The following E2F5 variants were observed in gnomAD, a reference collection of about 807,000 sequenced individuals.
E2F5 encodes transcription factor E2F5.
A neutral mutation model predicts 39.1 loss-of-function variants in E2F5; 23 were observed. The ratio of observed to expected loss-of-function variants is 0.59; its 90% CI spans 0.42 to 0.83. E2F5 has a LOEUF of 0.83. Ranked by LOEUF, E2F5 falls within the 40% of genes least tolerant of loss-of-function variation. The pLI, the probability that E2F5 is intolerant of heterozygous loss-of-function variation, is 0.00. For missense variants in E2F5, 365 were observed against 406.7 expected (o/e 0.90, Z 0.88); for synonymous variants, 145 against 157.8 (o/e 0.92, Z 0.61).
chr8:85,179,328 A>G (rs1812150412), intron 1 of E2F5, among the ~76,000 whole-genome samples: 1 of 152,160 alleles, frequency 6.6e-6, no homozygotes, highest in African/African-American at 2.4e-5. Flanking sequence ...TTGCCTCAGG[A>G]TATGGTGGAA....
intron 1 of E2F5, among the ~76,000 whole-genome samples, chr8:85,201,083 T>A (rs77672275): frequency 0.024 from 3,720 of 152,282 alleles, 154 homozygotes; most frequent in African/African-American, 0.085. Flanking sequence ...CCCAAATGCC[T>A]GTACAGTGAA....
intron 1 of E2F5, among the ~76,000 whole-genome samples, chr8:85,198,661 C>T (rs1472841693): frequency 1.3e-5 from 2 of 152,220 alleles, no homozygotes; most frequent in Non-Finnish European, 1.5e-5. Flanking sequence ...TGATTTTCTT[C>T]TGACTTCAGT....
chr8:85,185,547 A>G (rs76308460), intron 1 of E2F5, among the ~76,000 whole-genome samples: 1 of 152,252 alleles, frequency 6.6e-6, no homozygotes, highest in Non-Finnish European at 1.5e-5. Context: ...TCTGCACAGC[A>G]AAAGAAACTA....
At chr8:85,180,019 TC>T (rs1336267285) in intron 1 of E2F5, among the ~76,000 whole-genome samples, 2 of 146,606 alleles carry the variant, frequency 1.4e-5, no homozygotes, top group Non-Finnish European at 3.0e-5. Context: ...TAGTAAAAGA[TC>T]GTTAAAGCCT....
rs190095430 is a variant in E2F5, at chr8:85,196,352, A to G, written c.235-5795A>G. ...TAACATTTTGTCTACTTTAGGTACT[A>G]TTTCATTTTTTAAACCTCATTCTAT... On this transcript the variant is annotated intron_variant, in intron 1 of 7. Transcript: ENST00000416274. Among the ~76,000 whole-genome samples the G allele has an allele frequency of 7.1e-4, 108 of 152,244 alleles. 1 individual carries two copies. Among genetic ancestry groups the G allele is most frequent in the Admixed American group, 1.2e-3 (19 of 15,278 alleles).
At chr8:85,189,325 G>T (rs1253735260) in intron 1 of E2F5, among the ~76,000 whole-genome samples, 1 of 151,916 alleles carries the variant, frequency 6.6e-6, no homozygotes, top group Non-Finnish European at 1.5e-5. Flanking sequence ...CCCATTTCTT[G>T]CAACTTTTTA....
chr8:85,208,720 C>T (rs1366465250), intron 5 of E2F5, among the ~76,000 whole-genome samples: 1 of 152,086 alleles, frequency 6.6e-6, no homozygotes, highest in Non-Finnish European at 1.5e-5. Context: ...AATTAGTTGT[C>T]TTTGTGCTTG....
intron 1 of E2F5, chr8:85,187,584 T>C (rs1812369966): frequency 6.6e-6 from 1 of 152,196 alleles, no homozygotes; most frequent in South Asian, 2.1e-4. Flanking sequence ...AAAATCTATT[T>C]AATCTGATAT....
chr8:85,179,208 A>G (rs1441901547), intron 1 of E2F5, among the ~76,000 whole-genome samples: 1 of 152,236 alleles, frequency 6.6e-6, no homozygotes, highest in Admixed American at 6.5e-5. Flanking sequence ...TTCAAAATCT[A>G]GAAATTCAGC....
chr8:85,213,497 C>G (rs1225260718), intron 7 of E2F5: 1 of 170,756 alleles, frequency 5.9e-6, no homozygotes, highest in African/African-American at 3.1e-5. Context: ...GGGCCGAGAT[C>G]GAGCTACTGC....
intron 1 of E2F5, among the ~76,000 whole-genome samples, chr8:85,180,725 C>T (rs1378688417): frequency 6.7e-6 from 1 of 148,178 alleles, no homozygotes; most frequent in Non-Finnish European, 1.5e-5. Flanking sequence ...CTACAGGCAC[C>T]CGCCATCACG....
intron 2 of E2F5, 37 bp downstream of exon 2, chr8:85,202,293 T>A (rs199501340): frequency 4.4e-5 from 33 of 758,344 alleles, no homozygotes; most frequent in East Asian, 5.9e-5. Flanking sequence ...TGAAACCTTT[T>A]TTCTTCTCAG....
Position 85,209,344 on chromosome 8 carries a change from C to T in E2F5, c.818C>T (p.Pro273Leu), listed in dbSNP as rs1812867945. The change falls in exon 6 of 8, where the codon CCT (proline) becomes CTT (leucine). Residue 273 changes from proline (P) to leucine (L), a missense_variant. Coordinates refer to ENST00000416274, the MANE Select transcript of E2F5 (RefSeq NM_001951.4). ...TCCAGCATGGCAACTCAAAATCTGC[C>T]TGAGCAACATGTCTCTGAAAGAAGC... ...QKSSMATQNL[P>L]EQHVSERSQA... 1 of 1,613,972 alleles carries T rather than the reference C, an allele frequency of 6.2e-7. No homozygotes were observed.
intron 1 of E2F5, among the ~76,000 whole-genome samples, chr8:85,188,640 G>T (rs748131684): frequency 6.6e-6 from 1 of 152,146 alleles, no homozygotes; most frequent in African/African-American, 2.4e-5. Context: ...CCTGGCATTG[G>T]TGCAGCCCAG....
intron 1 of E2F5, among the ~76,000 whole-genome samples, chr8:85,192,531 G>C (rs1490189152): frequency 2.0e-5 from 3 of 152,166 alleles, no homozygotes; most frequent in African/African-American, 7.2e-5. Context: ...TGAGGGTATG[G>C]TAACACCAAG....
intron 1 of E2F5, among the ~76,000 whole-genome samples, chr8:85,184,474 C>G (rs1166583361): frequency 6.6e-6 from 1 of 152,232 alleles, no homozygotes; most frequent in Non-Finnish European, 1.5e-5. Flanking sequence ...AATGCCCTCT[C>G]TCACCACTCC....
intron 1 of E2F5, among the ~76,000 whole-genome samples, chr8:85,180,210 G>A (rs1812171794): frequency 6.6e-6 from 1 of 150,838 alleles, no homozygotes; most frequent in Non-Finnish European, 1.5e-5. Flanking sequence ...TAGTAGAGAA[G>A]GGGTTTCACC....
chr8:85,184,067 G>GA (rs1006619939), intron 1 of E2F5, among the ~76,000 whole-genome samples: 7 of 151,498 alleles, frequency 4.6e-5, no homozygotes, highest in African/African-American at 7.3e-5. Flanking sequence ...ATGGGCCAAT[G>GA]AAAAAAAAGA....
chr8:85,207,875 A>G lies in E2F5; in HGVS notation c.615+386A>G, dbSNP rs1384563130. On this transcript the variant is annotated intron_variant, in intron 5 of 7. Coordinates refer to ENST00000416274, the MANE Select transcript of E2F5 (RefSeq NM_001951.4). Reference sequence around the variant, plus strand: ...TATGAAACAAATGAATATTGTGTTTAGACTTGGGTCCTATCCCTAAGATAT... The same window carrying G: ...TATGAAACAAATGAATATTGTGTTTGGACTTGGGTCCTATCCCTAAGATAT... 5.9e-5 allele frequency among the ~76,000 whole-genome samples: 9 copies of G among 152,234 alleles called. No homozygotes were observed. The East Asian group carries it at 1.5e-3, about 26-fold the overall frequency.
Sources: gnomAD v4.1 joint callset for allele counts (sites outside exome capture counted in the v4.1 genomes callset) on GRCh38, gnomAD v4.1.1 for gene constraint, MANE v1.5 for transcripts, NCBI Gene and HGNC (gene_info 2026-07-23, HGNC 2026-07-21) for gene names.